The following PADI1 variants were observed in gnomAD, a reference collection of about 807,000 sequenced individuals.
The protein encoded by PADI1 is protein-arginine deiminase type-1.
Under a neutral mutation model 74.8 loss-of-function variants are expected in PADI1, and 65 were observed. That is an observed-to-expected ratio of 0.87 (90% CI 0.71 to 1.07). The LOEUF is 1.07. PADI1 is among the 50% of genes least tolerant of loss of function. PADI1 has a pLI of 0.00. For missense variants in PADI1, 943 were observed against 854.0 expected (o/e 1.10, Z -1.30); for synonymous variants, 371 against 336.2 (o/e 1.10, Z -1.13).
intron 11 of PADI1, among the ~76,000 whole-genome samples, chr1:17,234,507 A>G (rs2072580515): frequency 1.3e-5 from 2 of 152,322 alleles, no homozygotes; most frequent in South Asian, 2.1e-4. Context: ...GCTACTACCT[A>G]CTACATGTCA....
rs764073038 is a variant in PADI1 at position 17,228,794 on chromosome 1, G to A, written c.822G>A (p.Pro274=). 133 of 1,613,272 alleles carry A rather than the reference G, an allele frequency of 8.2e-5. No homozygotes were observed. The highest frequency in any genetic ancestry group is 3.0e-4 in the Admixed American group (18 of 59,994). ...CCCTCAGTGTCAGCCTGGTGGACCC[G>A]GGGGTGTGTACAGCACTGGGGGGTG... The part of the protein sequence containing the change: ...LVSLSVSLVD[P]GTLPEVTLFT... The change falls in exon 7 of 16, where the codon CCG becomes CCA. Residue 274 remains proline (P), a synonymous_variant. Coordinates refer to ENST00000375471, the MANE Select transcript of PADI1 (RefSeq NM_013358.3).
chr1:17,211,104 G>A (rs1350768032), intron 1 of PADI1, among the ~76,000 whole-genome samples: 2 of 152,204 alleles, frequency 1.3e-5, no homozygotes, highest in Admixed American at 6.5e-5. Context: ...TCCTATTAAC[G>A]ACAGGGCCCT....
intron 15 of PADI1, among the ~76,000 whole-genome samples, chr1:17,241,205 G>A (rs1056955740): frequency 6.6e-6 from 1 of 152,232 alleles, no homozygotes; most frequent in East Asian, 1.9e-4. Flanking sequence ...CGGTGCAGGT[G>A]GGGTGGGCGG....
At chr1:17,222,549 C>A (rs1266958486) in intron 2 of PADI1, 79 bp downstream of exon 2, 6 of 1,123,166 alleles carry the variant, frequency 5.3e-6, no homozygotes, top group Non-Finnish European at 6.7e-6. Flanking sequence ...TTGGCAATTC[C>A]CATTCCAAAG....
intron 10 of PADI1, among the ~76,000 whole-genome samples, chr1:17,231,246 A>G (rs2072483458): frequency 6.6e-6 from 1 of 152,144 alleles, no homozygotes; most frequent in Non-Finnish European, 1.5e-5. Flanking sequence ...AAGTGCTATC[A>G]TTATTTCCTC....
chr1:17,242,584 T>A (rs1404708003), intron 15 of PADI1, among the ~76,000 whole-genome samples: 1 of 152,180 alleles, frequency 6.6e-6, no homozygotes, highest in Admixed American at 6.5e-5. Context: ...CTGTGGGTCA[T>A]CCTGTGGGGA....
At position 17,224,422 on chromosome 1, in the gene PADI1, G is replaced by A. The variant is rs932733321; in HGVS notation, c.402G>A (p.Gly134=). 9 of 1,613,470 alleles carry A rather than the reference G, an allele frequency of 5.6e-6. No homozygotes were observed. The highest frequency in any genetic ancestry group is 1.6e-4 in the Middle Eastern group (1 of 6,084). The change falls in exon 4 of 16, where the codon GGG becomes GGA. Residue 134 remains glycine (G), a synonymous_variant. Transcript: ENST00000375471. The part of the protein sequence containing the change: ...GRTGKVKRSQ[G]DKKTWRWGPE... ...CAGGCAAGGTGAAGAGGAGCCAAGG[G>A]GACAAGGTGAGACCCTTCCGGGCAC...
At chr1:17,224,345 G>A in intron 3 of PADI1, 22 bp from the exon 4 acceptor site, 1 of 1,610,536 alleles carries the variant, frequency 6.2e-7, no homozygotes, top group Middle Eastern at 1.7e-4. Flanking sequence ...GCCCCTGGCA[G>A]CCCCTCTCCA....
chr1:17,218,212 A>G (rs982778088), intron 1 of PADI1, among the ~76,000 whole-genome samples: 2 of 152,246 alleles, frequency 1.3e-5, no homozygotes, highest in African/African-American at 4.8e-5. Context: ...GGAGGAATCA[A>G]TGTACTATAT....
intron 11 of PADI1, among the ~76,000 whole-genome samples, chr1:17,236,687 G>A (rs1339885015): frequency 6.6e-6 from 1 of 152,080 alleles, no homozygotes; most frequent in Non-Finnish European, 1.5e-5. Flanking sequence ...ACGGGAGGTT[G>A]AGGCTGCAGT....
chr1:17,209,617 C>T (rs778760098), intron 1 of PADI1, among the ~76,000 whole-genome samples: 2 of 152,118 alleles, frequency 1.3e-5, no homozygotes, highest in Non-Finnish European at 2.9e-5. Context: ...CTCCGCTTTC[C>T]GCCTCCTTAC....
intron 15 of PADI1, among the ~76,000 whole-genome samples, chr1:17,241,212 G>A (rs895666799): frequency 6.6e-6 from 1 of 152,228 alleles, no homozygotes; most frequent in Admixed American, 6.5e-5. Flanking sequence ...GGTGGGGTGG[G>A]CGGTGGCCTC....
At chr1:17,209,869 G>T (rs113140186) in intron 1 of PADI1, among the ~76,000 whole-genome samples, 2,091 of 151,786 alleles carry the variant, frequency 0.014, 49 homozygotes, top group African/African-American at 0.048. Flanking sequence ...TTTTATTTTT[G>T]AGATGGAGTC....
intron 15 of PADI1, among the ~76,000 whole-genome samples, chr1:17,241,294 G>A (rs1015573755): frequency 1.3e-5 from 2 of 152,236 alleles, no homozygotes; most frequent in African/African-American, 4.8e-5. Context: ...GGGCCTGAGC[G>A]ATGCTATCGG....
At chr1:17,222,548 C>T (rs1219672904) in intron 2 of PADI1, 78 bp downstream of exon 2, 4 of 1,134,108 alleles carry the variant, frequency 3.5e-6, no homozygotes, top group Non-Finnish European at 5.3e-6. Context: ...ATTGGCAATT[C>T]CCATTCCAAA....
chr1:17,238,659 T>C lies in PADI1; in HGVS notation c.1502T>C (p.Leu501Pro). Residue 501 changes from leucine (L) to proline (P), a missense_variant, in exon 13 of 16, where the codon CTC (leucine) becomes CCC (proline). Transcript: ENST00000375471. ...LLASPSACLK[L>P]FQEKKEEGYG... ...GCTAGCCCCAGCGCTTGCCTCAAAC[T>C]CTTCCAAGAGAAGAAAGAAGAGGGT... is the stretch of plus-strand genomic sequence containing the variant. 6.4e-7 allele frequency: 1 copy of C among 1,554,846 alleles called. No individual in the cohort carries two copies. The highest frequency in any genetic ancestry group is 8.7e-7 in the Non-Finnish European group (1 of 1,145,004).
chr1:17,208,858 A>G (rs1402551708), intron 1 of PADI1, among the ~76,000 whole-genome samples: 1 of 152,222 alleles, frequency 6.6e-6, no homozygotes, highest in African/African-American at 2.4e-5. Context: ...CCAGAGCCTG[A>G]GGCTGGAGAC....
In PADI1 at chr1:17,244,407, C is replaced by A; in HGVS notation, c.*164C>A. 1 of 700,084 alleles carries A rather than the reference C, an allele frequency of 1.4e-6. No homozygotes were observed. The allele number at this position is 700,084 out of a possible 1,614,324, so 43.4% of individuals were successfully genotyped here. ...GGACACAGGGATGGATACCACCTAC[C>A]CTCGCCTCTGGAATGGCCTACCCAA... On this transcript the variant is annotated 3_prime_UTR_variant, in exon 16 of 16. Transcript: ENST00000375471.
chr1:17,230,877 T>G (rs568882440), intron 10 of PADI1, among the ~76,000 whole-genome samples, 198 bp downstream of exon 10: 1 of 152,240 alleles, frequency 6.6e-6, no homozygotes, highest in East Asian at 1.9e-4. Flanking sequence ...GCAAATCACA[T>G]GCAAATAGGC....
Sources: gnomAD v4.1 joint callset for allele counts (sites outside exome capture counted in the v4.1 genomes callset) on GRCh38, gnomAD v4.1.1 for gene constraint, MANE v1.5 for transcripts, NCBI Gene and HGNC (gene_info 2026-07-23, HGNC 2026-07-21) for gene names.